FGGY: variants seen among roughly 807,000 people sequenced by gnomAD.
FGGY encodes FGGY carbohydrate kinase domain containing, also known as FGGY carbohydrate kinase domain-containing protein.
A neutral mutation model predicts 71.3 loss-of-function variants in FGGY; 72 were observed. That is an observed-to-expected ratio of 1.01 (90% CI 0.84 to 1.23). FGGY has a LOEUF of 1.23. Among genes scored for constraint, FGGY ranks in the 50% most tolerant of loss-of-function variants. FGGY has a pLI of 0.00. For missense variants in FGGY, 668 were observed against 682.3 expected (o/e 0.98, Z 0.23); for synonymous variants, 251 against 250.3 (o/e 1.00, Z -0.02).
At chr1:59,483,485 G>A (rs2093564930) in intron 6 of FGGY, among the ~76,000 whole-genome samples, 1 of 152,118 alleles carries the variant, frequency 6.6e-6, no homozygotes, top group South Asian at 2.1e-4. Context: ...TACTTCTCTA[G>A]GATTTGTGAT....
chr1:59,557,652 T>G (rs540391014), intron 8 of FGGY, among the ~76,000 whole-genome samples: 12 of 152,310 alleles, frequency 7.9e-5, no homozygotes, highest in African/African-American at 2.6e-4. Flanking sequence ...AAAGCAGAGC[T>G]GCTTGTTCAG....
intron 4 of FGGY, among the ~76,000 whole-genome samples, chr1:59,357,076 G>T (rs925345384): frequency 5.3e-5 from 8 of 152,152 alleles, no homozygotes; most frequent in Non-Finnish European, 1.2e-4. Context: ...GCTGCTGTTA[G>T]GGCATGTGTT....
intron 11 of FGGY, among the ~76,000 whole-genome samples, chr1:59,655,048 C>A (rs955687984): frequency 6.6e-6 from 1 of 151,944 alleles, no homozygotes; most frequent in Non-Finnish European, 1.5e-5. Flanking sequence ...ATGGTCCCAG[C>A]GCTGATGAGC....
chr1:59,642,532 G>A (rs924716025), intron 11 of FGGY, among the ~76,000 whole-genome samples: 10 of 151,854 alleles, frequency 6.6e-5, no homozygotes, highest in African/African-American at 2.4e-4. Context: ...GGCTGAGGCA[G>A]GAGAATTGCT....
chr1:59,475,971 GC>G (rs2093246399), intron 6 of FGGY, among the ~76,000 whole-genome samples: 1 of 152,162 alleles, frequency 6.6e-6, no homozygotes, highest in Non-Finnish European at 1.5e-5. Context: ...ACAAAGTCTT[GC>G]GTGATCTCTG....
Position 59,490,073 on chromosome 1 carries a change from C to T in FGGY, c.671-22238C>T, listed in dbSNP as rs185124254. ...TTTTAAAAAATTTATTTTTAGGAGACGGGATTTCACTGTGTTGCCTAGACT... is the reference window on the plus strand; with the variant it reads ...TTTTAAAAAATTTATTTTTAGGAGATGGGATTTCACTGTGTTGCCTAGACT... On this transcript the variant is annotated intron_variant, in intron 6 of 15. Coordinates refer to ENST00000303721, the MANE Select transcript of FGGY (RefSeq NM_018291.5). 6.7e-4 allele frequency among the ~76,000 whole-genome samples: 102 copies of T among 152,110 alleles called. 2 individuals carry two copies. Among genetic ancestry groups the T allele is most frequent in the South Asian group, 1.7e-3 (8 of 4,830 alleles).
intron 4 of FGGY, among the ~76,000 whole-genome samples, chr1:59,355,055 G>T (rs996860356): frequency 6.6e-6 from 1 of 152,234 alleles, no homozygotes; most frequent in Non-Finnish European, 1.5e-5. Flanking sequence ...CAGCCTTGAG[G>T]CCAGGGGCAG....
intron 3 of FGGY, among the ~76,000 whole-genome samples, chr1:59,345,733 T>C (rs891534348): frequency 2.0e-5 from 3 of 150,818 alleles, no homozygotes; most frequent in African/African-American, 4.9e-5. Context: ...AAAAAACACC[T>C]ACATAAACTA....
chr1:59,378,682 A>T lies in FGGY; in HGVS notation c.466-67A>T, dbSNP rs377078537. 23 of 1,447,994 alleles carry T rather than the reference A, an allele frequency of 1.6e-5. 1 individual carries two copies. In the African/African-American group the frequency reaches 1.9e-4, roughly 12 times the overall value. The allele number at this position is 1,447,994 out of a possible 1,614,324, so 89.7% of individuals were successfully genotyped here. On this transcript the variant is annotated intron_variant, in intron 4 of 15. Coordinates refer to ENST00000303721, the MANE Select transcript of FGGY (RefSeq NM_018291.5). ...ATGCTTTTGTTTTGAAAAATTTGAA[A>T]CATTATTGAAAGAGGAGATGGTAGA...
chr1:59,693,157 T>G (rs2097609116), intron 14 of FGGY, among the ~76,000 whole-genome samples: 1 of 152,210 alleles, frequency 6.6e-6, no homozygotes, highest in Admixed American at 6.5e-5. Context: ...TAGTAAACTA[T>G]AAAGTAATTC....
At chr1:59,536,627 C>G (rs542092122) in intron 7 of FGGY, among the ~76,000 whole-genome samples, 1 of 152,256 alleles carries the variant, frequency 6.6e-6, no homozygotes, top group South Asian at 2.1e-4. Context: ...AAAGCTTATC[C>G]AGCAGCACAT....
rs1487254416 is a variant in FGGY, at chr1:59,688,561, T to C, written c.1512+14428T>C. On this transcript the variant is annotated intron_variant, in intron 14 of 15. Transcript: ENST00000303721. ...AGAACAGGTTTATGTGGAAAGTTTA[T>C]TGTGTTCATTTTTTACAGATGACAA... 2.0e-5 allele frequency among the ~76,000 whole-genome samples: 3 copies of C among 152,198 alleles called. No individual in the cohort carries two copies. In the East Asian group the frequency reaches 5.8e-4, roughly 29 times the overall value.
intron 6 of FGGY, among the ~76,000 whole-genome samples, chr1:59,470,938 G>A (rs567499073): frequency 3.9e-5 from 6 of 152,308 alleles, no homozygotes; most frequent in African/African-American, 1.2e-4. Flanking sequence ...TGTGATATAA[G>A]TGCCAATTTT....
intron 8 of FGGY, among the ~76,000 whole-genome samples, chr1:59,604,480 C>T (rs891553514): frequency 2.0e-5 from 3 of 152,152 alleles, no homozygotes; most frequent in African/African-American, 7.2e-5. Context: ...AACTTTCTCC[C>T]TGGACAGAGC....
intron 7 of FGGY, among the ~76,000 whole-genome samples, chr1:59,533,275 C>G (rs762384669): frequency 1.4e-4 from 21 of 152,202 alleles, no homozygotes; most frequent in Admixed American, 1.4e-3. Context: ...GACTCCCACC[C>G]GAATATTGCG....
intron 14 of FGGY, among the ~76,000 whole-genome samples, chr1:59,744,199 C>T (rs2098174358): frequency 6.6e-6 from 1 of 152,116 alleles, no homozygotes; most frequent in Non-Finnish European, 1.5e-5. Flanking sequence ...AACTGAGGGA[C>T]AAAGAGGTTA....
intron 8 of FGGY, among the ~76,000 whole-genome samples, chr1:59,584,303 T>A (rs1276367577): frequency 6.7e-6 from 1 of 149,624 alleles, no homozygotes; most frequent in Non-Finnish European, 1.5e-5. Flanking sequence ...CAGCAGCACA[T>A]CAAAAAGCTT....
At chr1:59,357,595 T>C (rs1427769982) in intron 4 of FGGY, among the ~76,000 whole-genome samples, 2 of 152,196 alleles carry the variant, frequency 1.3e-5, no homozygotes, top group African/African-American at 4.8e-5. Context: ...AATTCTGGTA[T>C]ATGTGTGTGT....
intron 8 of FGGY, among the ~76,000 whole-genome samples, chr1:59,590,480 A>G (rs2096409038): frequency 6.6e-6 from 1 of 152,182 alleles, no homozygotes; most frequent in South Asian, 2.1e-4. Flanking sequence ...GCAGAGACAC[A>G]ACCAAAAAAG....
Sources: gnomAD v4.1 joint callset for allele counts (sites outside exome capture counted in the v4.1 genomes callset) on GRCh38, gnomAD v4.1.1 for gene constraint, MANE v1.5 for transcripts, NCBI Gene and HGNC (gene_info 2026-07-23, HGNC 2026-07-21) for gene names.